ASH1L: variants seen among roughly 807,000 people sequenced by gnomAD.
ASH1L encodes the protein ASH1 like histone lysine methyltransferase.
Under a neutral mutation model 269.0 loss-of-function variants are expected in ASH1L, and 23 were observed. The observed-to-expected ratio is 0.09, with a 90% CI of 0.06 to 0.12. ASH1L has a LOEUF of 0.12. ASH1L is among the 10% of genes least tolerant of loss of function. The pLI, the probability that ASH1L is intolerant of heterozygous loss-of-function variation, is 1.00. For missense variants in ASH1L, 2,912 were observed against 3,567.8 expected (o/e 0.82, Z 4.68); for synonymous variants, 1,187 against 1,253.5 (o/e 0.95, Z 1.12).
At chr1:155,546,542 C>T (rs1320968273) in intron 1 of ASH1L, among the ~76,000 whole-genome samples, 10 of 151,964 alleles carry the variant, frequency 6.6e-5, no homozygotes, top group African/African-American at 1.2e-4. Flanking sequence ...GGGCAGATCA[C>T]GAGGTCAGGA....
intron 1 of ASH1L, among the ~76,000 whole-genome samples, chr1:155,535,923 G>A (rs1670024279): frequency 6.6e-6 from 1 of 151,942 alleles, no homozygotes; most frequent in South Asian, 2.1e-4. Flanking sequence ...TCTTGAACCT[G>A]GGAGGCAGAG....
At position 155,393,832 on chromosome 1, in the gene ASH1L, G is replaced by A. The variant is rs558432088; in HGVS notation, c.6103+1627C>T. 7.2e-4 allele frequency among the ~76,000 whole-genome samples: 109 copies of A among 152,214 alleles called. 1 individual carries two copies. The highest frequency in any genetic ancestry group is 2.6e-3 in the African/African-American group (106 of 41,556). On this transcript the variant is annotated intron_variant, in intron 7 of 27. Coordinates refer to ENST00000392403, the MANE Select transcript of ASH1L (RefSeq NM_018489.3). The stretch of plus-strand genomic sequence containing the variant: ...CTCCCAAACTGCTGGGGTTACAGGT[G>A]TGAGCCACCGCACCCAGCCTTCTCC...
chr1:155,556,444 GTA>G lies in ASH1L; in HGVS notation c.-100+5707_-100+5708del, dbSNP rs1055491938. Reference sequence around the variant, plus strand: ...TGTGTGTGTGTGTGTGTGTGTATGTGTATATATATATATTTTTTGAGACAGAG... The same window carrying G: ...TGTGTGTGTGTGTGTGTGTGTATGTGTATATATATATTTTTTGAGACAGAG... On this transcript the variant is annotated intron_variant, in intron 1 of 27. Coordinates refer to ENST00000392403, the MANE Select transcript of ASH1L (RefSeq NM_018489.3). 1.0e-4 allele frequency among the ~76,000 whole-genome samples: 15 copies of G among 149,312 alleles called. No individual in the cohort carries two copies. In the East Asian group the frequency reaches 1.2e-3, roughly 12 times the overall value.
intron 2 of ASH1L, among the ~76,000 whole-genome samples, chr1:155,496,755 C>T (rs1399071415): frequency 6.6e-6 from 1 of 152,122 alleles, no homozygotes; most frequent in African/African-American, 2.4e-5. Flanking sequence ...CCTTCCACCT[C>T]AGCCTCCTGA....
intron 4 of ASH1L, among the ~76,000 whole-genome samples, chr1:155,451,854 G>A (rs1663500189): frequency 6.6e-6 from 1 of 152,024 alleles, no homozygotes; most frequent in Admixed American, 6.6e-5. Flanking sequence ...CTGAGTAGCT[G>A]GGACTACAGG....
chr1:155,432,927 G>A (rs1661716469), intron 5 of ASH1L, among the ~76,000 whole-genome samples: 2 of 152,114 alleles, frequency 1.3e-5, no homozygotes, highest in African/African-American at 4.8e-5. Context: ...TTTTGGTAAA[G>A]ACGGGGTTTC....
At chr1:155,492,634 C>T (rs938876093) in intron 2 of ASH1L, among the ~76,000 whole-genome samples, 3 of 151,856 alleles carry the variant, frequency 2.0e-5, no homozygotes, top group African/African-American at 7.3e-5. Context: ...TTGGATCTTA[C>T]TCTAAATTCC....
intron 2 of ASH1L, among the ~76,000 whole-genome samples, chr1:155,514,002 G>A (rs1668340925): frequency 6.6e-6 from 1 of 152,290 alleles, no homozygotes; most frequent in Non-Finnish European, 1.5e-5. Flanking sequence ...CTCCAAGATG[G>A]ACAACCTTGA....
intron 5 of ASH1L, among the ~76,000 whole-genome samples, chr1:155,417,422 G>GT (rs1660304238): frequency 6.6e-6 from 1 of 152,178 alleles, no homozygotes; most frequent in African/African-American, 2.4e-5. Context: ...AACTATGGGT[G>GT]TCTCTTTTAG....
intron 1 of ASH1L, among the ~76,000 whole-genome samples, chr1:155,560,779 C>G (rs1671907207): frequency 6.6e-6 from 1 of 152,238 alleles, no homozygotes; most frequent in South Asian, 2.1e-4. Flanking sequence ...AAAGCCTTCT[C>G]TCCCTCACAC....
intron 2 of ASH1L, among the ~76,000 whole-genome samples, chr1:155,484,173 A>T (rs754602409): frequency 3.9e-5 from 6 of 152,218 alleles, no homozygotes; most frequent in Non-Finnish European, 5.9e-5. Context: ...TAATAAAGGA[A>T]AGCATCCCAG....
intron 4 of ASH1L, among the ~76,000 whole-genome samples, chr1:155,439,824 A>G (rs1662399359): frequency 6.6e-6 from 1 of 151,818 alleles, no homozygotes; most frequent in African/African-American, 2.4e-5. Flanking sequence ...TTTAAATGTG[A>G]TAACTATACT....
At chr1:155,412,886 CTG>C (rs746497011) in intron 6 of ASH1L, among the ~76,000 whole-genome samples, 9 of 148,750 alleles carry the variant, frequency 6.1e-5, no homozygotes, top group Non-Finnish European at 1.0e-4. Flanking sequence ...CAGAAGTCTT[CTG>C]TGTGTTTTTT....
chr1:155,514,654 G>A (rs1245444417), intron 2 of ASH1L, among the ~76,000 whole-genome samples: 16 of 152,084 alleles, frequency 1.1e-4, no homozygotes, highest in African/African-American at 2.9e-4. Context: ...CAGTGGAGAC[G>A]ATTTGCAACA....
At chr1:155,377,672 G>A (rs1206438799) in intron 10 of ASH1L, among the ~76,000 whole-genome samples, 1 of 152,176 alleles carries the variant, frequency 6.6e-6, no homozygotes, top group Admixed American at 6.5e-5. Flanking sequence ...CCTCCATAGA[G>A]AAGGTAAGGT....
intron 3 of ASH1L, among the ~76,000 whole-genome samples, chr1:155,460,643 A>T (rs1664232359): frequency 6.6e-6 from 1 of 151,912 alleles, no homozygotes; most frequent in African/African-American, 2.4e-5. Context: ...CCTTAAACCC[A>T]CACATCCTAT....
At position 155,482,415 on chromosome 1, in the gene ASH1L, ACAT is replaced by A; in HGVS notation, c.452_454del (p.Asp151del). 1 of 1,613,644 alleles carries A rather than the reference ACAT, an allele frequency of 6.2e-7. No individual in the cohort carries two copies. Among genetic ancestry groups the A allele is most frequent in the Non-Finnish European group, 8.5e-7 (1 of 1,179,790 alleles). ...TTCAGACTGGCATTCAATGGCTGCA[ACAT>A]CATCTGCTTTCTTGTACAACTTTGA... is the stretch of plus-strand genomic sequence containing the variant. On this transcript the variant is annotated inframe_deletion, in exon 3 of 28. Transcript: ENST00000392403.
chr1:155,494,395 G>T (rs1392238038), intron 2 of ASH1L, among the ~76,000 whole-genome samples: 2 of 152,272 alleles, frequency 1.3e-5, no homozygotes, highest in African/African-American at 4.8e-5. Flanking sequence ...TTATGAAGAG[G>T]TATATGACTT....
At chr1:155,467,156 C>T (rs1256577254) in intron 3 of ASH1L, among the ~76,000 whole-genome samples, 2 of 152,090 alleles carry the variant, frequency 1.3e-5, no homozygotes, top group African/African-American at 4.8e-5. Context: ...ATTTTAGAAT[C>T]CAGGTTTGTA....
Sources: allele counts gnomAD v4.1 joint callset (sites outside exome capture counted in the v4.1 genomes callset), GRCh38; gene constraint gnomAD v4.1.1; transcripts MANE v1.5; gene names NCBI Gene and HGNC (gene_info 2026-07-23, HGNC 2026-07-21).